The following SGCD variants were observed in gnomAD, a reference collection of about 807,000 sequenced individuals.
SGCD encodes sarcoglycan delta.
In SGCD, 18 loss-of-function variants were observed where a neutral mutation model predicts 36.6. That is an observed-to-expected ratio of 0.49 (90% confidence interval 0.34 to 0.73). SGCD has a LOEUF of 0.73. SGCD is among the 30% of genes least tolerant of loss of function. The pLI, the probability that SGCD is intolerant of heterozygous loss-of-function variation, is 0.01. For synonymous variants in SGCD, 133 were observed against 130.6 expected, an observed-to-expected ratio of 1.02 and a Z score of -0.12; for missense variants, 387 against 346.7, an observed-to-expected ratio of 1.12 and a Z score of -0.92.
At chr5:156,522,383 A>C (rs1757449085) in intron 4 of SGCD, among the ~76,000 whole-genome samples, 1 of 152,142 alleles carries the variant, frequency 6.6e-6, no homozygotes, top group Non-Finnish European at 1.5e-5. Context: ...GTACATATAC[A>C]CCATGAAGTA....
At chr5:156,046,394 T>C (rs1345347176) in intron 1 of SGCD, among the ~76,000 whole-genome samples, 1 of 152,168 alleles carries the variant, frequency 6.6e-6, no homozygotes, top group Admixed American at 6.5e-5. Flanking sequence ...TTTGCTTTAT[T>C]CTGCTTCACA....
intron 3 of SGCD, among the ~76,000 whole-genome samples, chr5:156,167,072 C>T (rs990138420): frequency 5.9e-5 from 9 of 152,144 alleles, no homozygotes; most frequent in African/African-American, 2.2e-4. Context: ...TCCACAGACA[C>T]TTGGCTCTAC....
chr5:156,717,238 C>T lies in SGCD; in HGVS notation c.576-40343C>T, dbSNP rs114289419. Among the ~76,000 whole-genome samples, 475 of 152,300 alleles carry T rather than the reference C, an allele frequency of 3.1e-3. 3 individuals carry two copies. The highest frequency in any genetic ancestry group is 0.011 in the African/African-American group (438 of 41,562). On this transcript the variant is annotated intron_variant, in intron 7 of 8. Coordinates refer to ENST00000337851, the MANE Select transcript of SGCD (RefSeq NM_000337.6). The stretch of plus-strand genomic sequence containing the variant: ...GAGAAACACTGTCTCTTAACCAATA[C>T]ATCCATTCCTGCAGCCTTTAGTGTC...
chr5:156,513,110 C>G (rs1209547126), intron 4 of SGCD, among the ~76,000 whole-genome samples: 1 of 152,020 alleles, frequency 6.6e-6, no homozygotes, highest in Non-Finnish European at 1.5e-5. Context: ...GATATGTCCA[C>G]AAAAATTGAA....
chr5:156,442,586 G>A (rs1753544870), intron 3 of SGCD, among the ~76,000 whole-genome samples: 2 of 152,148 alleles, frequency 1.3e-5, no homozygotes, highest in Admixed American at 6.6e-5. Flanking sequence ...TCTTTCCATT[G>A]TATTTTGAGC....
At chr5:155,811,018 C>G in the SGCD span, among the ~76,000 whole-genome samples, 15 of 149,038 alleles carry the variant, frequency 1.0e-4, no homozygotes, top group African/African-American at 3.7e-4. Flanking sequence ...GGGGTTTCAC[C>G]GTTTTAGCCG....
chr5:155,777,681 C>T, the SGCD span, among the ~76,000 whole-genome samples: 1 of 152,076 alleles, frequency 6.6e-6, no homozygotes, highest in Non-Finnish European at 1.5e-5. Flanking sequence ...ACCACCAAAC[C>T]CACCACTGTT....
intron 3 of SGCD, among the ~76,000 whole-genome samples, chr5:156,165,745 C>T (rs1156721783): frequency 4.6e-5 from 7 of 152,192 alleles, no homozygotes; most frequent in African/African-American, 1.4e-4. Flanking sequence ...TTGAAAGTTA[C>T]AGATACACTA....
At chr5:155,764,323 A>C in the SGCD span, among the ~76,000 whole-genome samples, 3 of 152,130 alleles carry the variant, frequency 2.0e-5, no homozygotes, top group Admixed American at 2.0e-4. Flanking sequence ...CACCAACAAA[A>C]AACGTCCCCA....
At chr5:155,870,517 C>T (rs533482239) in intron 1 of SGCD, 3 of 152,202 alleles carry the variant, frequency 2.0e-5, no homozygotes, top group South Asian at 4.1e-4. Context: ...ACATGGCTTG[C>T]GTTTCCTTTT....
chr5:156,730,275 A>G (rs1179439305), intron 7 of SGCD, among the ~76,000 whole-genome samples: 1 of 152,170 alleles, frequency 6.6e-6, no homozygotes, highest in Non-Finnish European at 1.5e-5. Context: ...GGTTTGTTAC[A>G]TAGGTAAACT....
intron 1 of SGCD, among the ~76,000 whole-genome samples, chr5:156,004,499 C>T (rs1057047908): frequency 1.3e-4 from 20 of 152,118 alleles, no homozygotes; most frequent in Non-Finnish European, 2.2e-4. Context: ...CTATGATTTT[C>T]CCTGCCGCAG....
intron 3 of SGCD, among the ~76,000 whole-genome samples, chr5:156,295,014 C>T (rs1218143682): frequency 2.0e-5 from 3 of 152,104 alleles, no homozygotes; most frequent in Admixed American, 6.6e-5. Flanking sequence ...AGTGTTCCCT[C>T]TTCTTCAATA....
intron 1 of SGCD, among the ~76,000 whole-genome samples, chr5:156,057,852 G>A (rs1162228958): frequency 6.9e-6 from 1 of 145,614 alleles, no homozygotes; most frequent in African/African-American, 2.5e-5. Context: ...ATCAATCACT[G>A]GTCACTTTTA....
chr5:156,015,999 A>G (rs865782286), intron 1 of SGCD, among the ~76,000 whole-genome samples: 1 of 151,984 alleles, frequency 6.6e-6, no homozygotes, highest in South Asian at 2.1e-4. Flanking sequence ...CTGATGTCTT[A>G]AAATACAATA....
chr5:156,456,890 G>A (rs1754287141), intron 3 of SGCD, among the ~76,000 whole-genome samples: 1 of 152,144 alleles, frequency 6.6e-6, no homozygotes, highest in African/African-American at 2.4e-5. Flanking sequence ...AATTATAAAT[G>A]GTTTGTGGGT....
intron 4 of SGCD, among the ~76,000 whole-genome samples, chr5:156,508,985 C>T (rs529842486): frequency 6.6e-6 from 1 of 152,268 alleles, no homozygotes; most frequent in East Asian, 1.9e-4. Flanking sequence ...GTGGAACAGC[C>T]ATAAATAATA....
At chr5:156,739,378 A>T (rs933224333) in intron 7 of SGCD, among the ~76,000 whole-genome samples, 1 of 152,234 alleles carries the variant, frequency 6.6e-6, no homozygotes, top group East Asian at 1.9e-4. Flanking sequence ...ACCAAGTAGA[A>T]TTATCACATT....
Position 156,136,338 on chromosome 5 carries a change from C to G in SGCD, c.-44+12319C>G, listed in dbSNP as rs549547606. Among the ~76,000 whole-genome samples the G allele has an allele frequency of 6.6e-5, 10 of 152,296 alleles. No individual in the cohort carries two copies. The South Asian group carries it at 1.7e-3, about 25-fold the overall frequency. On this transcript the variant is annotated intron_variant, in intron 3 of 9. Transcript: ENST00000517913. ...AAATTGCTGAGGCTGTTCTTGAGCT[C>G]CTGCTCACAAGCAGTCTCCTACCTC...
Sources: gnomAD v4.1 joint callset for allele counts (sites outside exome capture counted in the v4.1 genomes callset) on GRCh38, gnomAD v4.1.1 for gene constraint, MANE v1.5 for transcripts, NCBI Gene and HGNC (gene_info 2026-07-23, HGNC 2026-07-21) for gene names.